Variants in LTN1 observed in about 807,000 individuals in gnomAD.
LTN1 encodes E3 ubiquitin-protein ligase listerin.
LTN1 carries 88 observed loss-of-function variants against 201.2 expected under a neutral mutation model. The ratio of observed to expected loss-of-function variants is 0.44; its 90% confidence interval spans 0.37 to 0.52. LTN1 has a LOEUF of 0.52. Ranked by LOEUF, LTN1 falls within the 20% of genes least tolerant of loss-of-function variation. The pLI, the probability that LTN1 is intolerant of heterozygous loss-of-function variation, is 0.00. For synonymous variants in LTN1, 645 were observed against 713.5 expected, an observed-to-expected ratio of 0.90 and a Z score of 1.53; for missense variants, 1,752 against 2,038.7, an observed-to-expected ratio of 0.86 and a Z score of 2.71.
At chr21:28,943,379 G>C in intron 23 of LTN1, 43 bp from the exon 24 acceptor site, 1 of 1,187,554 alleles carries the variant, frequency 8.4e-7, no homozygotes, top group Non-Finnish European at 1.2e-6. Context: ...ATATTAAACT[G>C]TTTATTAAGT....
intron 18 of LTN1, among the ~76,000 whole-genome samples, chr21:28,949,388 C>G (rs1432981962): frequency 6.6e-6 from 1 of 152,084 alleles, no homozygotes; most frequent in Non-Finnish European, 1.5e-5. Flanking sequence ...AATGTATTAG[C>G]CATTTTAAAG....
In LTN1 at chr21:28,953,346, C is replaced by T. The variant is rs550692131; in HGVS notation, c.3110G>A (p.Cys1037Tyr). ...AATAGGTGGGTTATCTAATTCTTCA[C>T]ACCACTGCAGTGAATAAAGCAGTTC... is the stretch of plus-strand genomic sequence containing the variant. ...IAELLYSLQW[C>Y]EELDNPPIFL... The change falls in exon 17 of 30, where the codon TGT becomes TAT. Residue 1037 changes from cysteine (C) to tyrosine (Y), a missense_variant. Cys to Tyr is a radical substitution (Grantham distance 194). Transcript: ENST00000361371. 2.2e-5 allele frequency: 35 copies of T among 1,602,924 alleles called. No individual in the cohort carries two copies. Among genetic ancestry groups the T allele is most frequent in the African/African-American group, 4.0e-5 (3 of 74,228 alleles).
At chr21:28,941,123 A>T in intron 25 of LTN1, 97 bp downstream of exon 25, 1 of 808,686 alleles carries the variant, frequency 1.2e-6, no homozygotes. Flanking sequence ...TTAAAACATA[A>T]GGATTTTCCT....
At position 28,936,660 on chromosome 21, in the gene LTN1, T is replaced by C; in HGVS notation, c.4520A>G (p.Lys1507Arg). Residue 1507 changes from lysine (K) to arginine (R), a missense_variant, in exon 26 of 30, where the codon AAG (lysine) becomes AGG (arginine). Lys to Arg is a conservative substitution (Grantham distance 26). Transcript: ENST00000361371. ...GTGATAGAGCAATTTATTCAAACTC[T>C]TTGTTTTCCGAAGATACATGGAATA... is the stretch of plus-strand genomic sequence containing the variant. ...ALYSMYLRKT[K>R]SLNKLLYHLF... The C allele has an allele frequency of 1.2e-6, 2 of 1,613,374 alleles. No individual in the cohort carries two copies. Among genetic ancestry groups the C allele is most frequent in the Non-Finnish European group, 1.7e-6 (2 of 1,179,552 alleles).
chr21:28,964,719 T>G (rs2084507093), intron 11 of LTN1: 6 of 1,550,454 alleles, frequency 3.9e-6, no homozygotes, highest in Non-Finnish European at 5.2e-6. Context: ...GGAAGAGGAT[T>G]TTCTTCCACA....
At chr21:28,963,090 C>T (rs908585120) in intron 11 of LTN1, among the ~76,000 whole-genome samples, 10 of 152,290 alleles carry the variant, frequency 6.6e-5, no homozygotes, top group African/African-American at 2.4e-4. Flanking sequence ...TACAAAAGTA[C>T]AAGGTGAAGC....
chr21:28,941,549 A>G (rs1453795510), intron 24 of LTN1, 143 bp from the exon 25 acceptor site: 2 of 604,312 alleles, frequency 3.3e-6, no homozygotes, highest in Non-Finnish European at 5.7e-6. Context: ...TATTGAGCCA[A>G]TTTTAACTCC....
chr21:28,962,715 G>A (rs2084489281), intron 11 of LTN1, among the ~76,000 whole-genome samples: 1 of 152,216 alleles, frequency 6.6e-6, no homozygotes, highest in Non-Finnish European at 1.5e-5. Flanking sequence ...AGCTGGAAAT[G>A]ATGAAGCTTA....
At chr21:28,983,799 A>G (rs2084676560) in intron 4 of LTN1, among the ~76,000 whole-genome samples, 1 of 152,202 alleles carries the variant, frequency 6.6e-6, no homozygotes, top group Non-Finnish European at 1.5e-5. Context: ...GCAAGCATAG[A>G]TTTTTTAAAA....
chr21:28,974,577 C>G (rs762098045), intron 6 of LTN1, among the ~76,000 whole-genome samples: 4 of 152,138 alleles, frequency 2.6e-5, no homozygotes, highest in Non-Finnish European at 5.9e-5. Context: ...CACAAAGGCA[C>G]AGGACCAGCT....
intron 6 of LTN1, among the ~76,000 whole-genome samples, chr21:28,973,766 T>C (rs73901131): frequency 0.016 from 2,410 of 152,236 alleles, 66 homozygotes; most frequent in African/African-American, 0.055. Flanking sequence ...AAGAACAAAG[T>C]TGGAAGTTTT....
intron 16 of LTN1, 101 bp from the exon 17 acceptor site, chr21:28,953,477 C>G: frequency 2.5e-6 from 2 of 808,944 alleles, no homozygotes; most frequent in African/African-American, 3.6e-5. Context: ...GTTGTGCCCA[C>G]TCATCTCAAA....
chr21:28,988,620 A>C (rs2084720074), intron 1 of LTN1, among the ~76,000 whole-genome samples: 1 of 152,154 alleles, frequency 6.6e-6, no homozygotes, highest in Admixed American at 6.6e-5. Context: ...GTAGCATTTA[A>C]GACTAATTCC....
chr21:28,978,435 T>G (rs1600999110), intron 6 of LTN1, among the ~76,000 whole-genome samples: 1 of 152,072 alleles, frequency 6.6e-6, no homozygotes, highest in African/African-American at 2.4e-5. Flanking sequence ...TCACCATATA[T>G]GAAGAAAAAT....
At chr21:28,936,502 A>G (rs749151647) in intron 26 of LTN1, 24 bp downstream of exon 26, 5 of 1,574,550 alleles carry the variant, frequency 3.2e-6, no homozygotes, top group Middle Eastern at 1.8e-4. Context: ...TCCAAGAAAG[A>G]ACATAAACAC....
At chr21:28,988,444 G>A (rs1224146321) in intron 1 of LTN1, among the ~76,000 whole-genome samples, 1 of 149,468 alleles carries the variant, frequency 6.7e-6, no homozygotes, top group East Asian at 2.0e-4. Context: ...TCCACCCAGG[G>A]CAACAGAGCG....
chr21:28,972,956 T>C (rs1405440378), intron 6 of LTN1, among the ~76,000 whole-genome samples: 1 of 152,164 alleles, frequency 6.6e-6, no homozygotes, highest in Non-Finnish European at 1.5e-5. Flanking sequence ...TAGTTAATTT[T>C]GACATCAATA....
Position 28,977,927 on chromosome 21 carries a change from CA to C in LTN1, c.810+3191del, listed in dbSNP as rs56303862. ...TAGGTGACAGAGTAAGACTCTGTCT[CA>C]AAAAAAAAAAAAGACATATCATAAT... is the stretch of plus-strand genomic sequence containing the variant. On this transcript the variant is annotated intron_variant, in intron 6 of 29. Coordinates refer to ENST00000361371, the MANE Select transcript of LTN1 (RefSeq NM_015565.3). Among the ~76,000 whole-genome samples the C allele has an allele frequency of 2.0e-3, 243 of 119,434 alleles. 1 individual carries two copies. Among genetic ancestry groups the C allele is most frequent in the Middle Eastern group, 4.4e-3 (1 of 226 alleles). The allele number at this position is 119,434 out of a possible 152,430, so 78.4% of individuals were successfully genotyped here.
chr21:28,985,805 C>G (rs2084693882), intron 3 of LTN1, among the ~76,000 whole-genome samples: 2 of 152,014 alleles, frequency 1.3e-5, no homozygotes, highest in Admixed American at 1.3e-4. Flanking sequence ...GGATTACAGG[C>G]ATCCATCACC....
Sources: gnomAD v4.1 joint callset for allele counts (sites outside exome capture counted in the v4.1 genomes callset) on GRCh38, gnomAD v4.1.1 for gene constraint, MANE v1.5 for transcripts, NCBI Gene and HGNC (gene_info 2026-07-23, HGNC 2026-07-21) for gene names.